Variants in BCL11A observed in about 807,000 individuals in gnomAD.
BCL11A encodes BCL11 transcription factor A.
Under a neutral mutation model 55.9 loss-of-function variants are expected in BCL11A, and 2 were observed. The ratio of observed to expected loss-of-function variants is 0.04; its 90% CI spans 0.01 to 0.11. The LOEUF is 0.11. Ranked by LOEUF, BCL11A falls within the 10% of genes least tolerant of loss-of-function variation. The pLI is 1.00. For missense variants in BCL11A, 817 were observed against 1,137.1 expected (o/e 0.72, Z 4.05); for synonymous variants, 465 against 473.4 (o/e 0.98, Z 0.23).
At chr2:60,514,495 TAAAAAAAAAAAAA>T (rs58972358) in intron 2 of BCL11A, among the ~76,000 whole-genome samples, 3 of 119,346 alleles carry the variant, frequency 2.5e-5, no homozygotes, top group African/African-American at 9.7e-5. Context: ...CATCTCTACT[TAAAAAAAAAAAAA>T]AAAAAAAAAA....
At chr2:60,467,744 G>A (rs1449283889) in intron 3 of BCL11A, among the ~76,000 whole-genome samples, 1 of 80,062 alleles carries the variant, frequency 1.2e-5, no homozygotes, top group African/African-American at 4.8e-5. Flanking sequence ...GGTGGTGGTA[G>A]TGATGGTGGT....
In BCL11A at chr2:60,459,272, G is replaced by A. The variant is rs1209023719; in HGVS notation, c.*1132C>T. On this transcript the variant is annotated 3_prime_UTR_variant, in exon 4 of 4. Transcript: ENST00000642384. ...TCTGGATCTATTTCTTTTGGTGCCA[G>A]TATTTTTAAAAAGACATTATTAAAG... is the stretch of plus-strand genomic sequence containing the variant. 3 of 1,017,232 alleles carry A rather than the reference G, an allele frequency of 2.9e-6. No homozygotes were observed. The highest frequency in any genetic ancestry group is 4.7e-4 in the Middle Eastern group (1 of 2,108). The allele number at this position is 1,017,232 out of a possible 1,614,324, so 63.0% of individuals were successfully genotyped here.
In BCL11A at chr2:60,461,229, G is replaced by A. The variant is rs200102362; in HGVS notation, c.1683C>T (p.Ala561=). ...GCTTCTCGCCCAGGACCTGGTGGAA[G>A]GCCTCGCTGAAGTGCTGCATGGAGC... ...VLSSMQHFSE[A]FHQVLGEKHK... is the part of the protein sequence containing the mutation. Residue 561 remains alanine, a synonymous_variant, in exon 4 of 4, where the codon GCC becomes GCT. Coordinates refer to ENST00000642384, the MANE Select transcript of BCL11A (RefSeq NM_022893.4). 5 of 1,610,966 alleles carry A rather than the reference G, an allele frequency of 3.1e-6. No individual in the cohort carries two copies. The highest frequency in any genetic ancestry group is 4.2e-6 in the Non-Finnish European group (5 of 1,179,798).
intron 2 of BCL11A, among the ~76,000 whole-genome samples, chr2:60,469,898 G>A (rs937305713): frequency 6.6e-5 from 10 of 152,160 alleles, no homozygotes; most frequent in African/African-American, 2.4e-4. Flanking sequence ...ATTGGGGAGG[G>A]CGGGAGACAA....
Position 60,546,016 on chromosome 2 carries a change from A to G in BCL11A, c.340T>C (p.Ser114Pro). The part of the protein sequence containing the change: ...QVTPEDDDCL[S>P]TSSRGICPKQ... ...GGGCAAATTCCTCTAGATGACGTTG[A>G]TAAACAATCGTCATCCTCTGGCGTG... The change falls in exon 2 of 4, where the codon TCA becomes CCA. Residue 114 changes from serine (S) to proline (P), a missense_variant. This residue lies in a region of BCL11A where 363 missense variants were observed against 486.6 expected (regional missense o/e 0.75). Transcript: ENST00000642384. The surrounding 1 kb of genome is among the most constrained non-coding windows in gnomAD (Gnocchi z 4.1). 6.2e-7 allele frequency: 1 copy of G among 1,614,232 alleles called. No individual in the cohort carries two copies. Among genetic ancestry groups the G allele is most frequent in the Non-Finnish European group, 8.5e-7 (1 of 1,180,042 alleles).
At chr2:60,453,891 C>T (rs1300608220), downstream of BCL11A, among the ~76,000 whole-genome samples, 1 of 152,102 alleles carries the variant, frequency 6.6e-6, no homozygotes, top group Non-Finnish European at 1.5e-5. Context: ...AAAGGAAAAA[C>T]GTATTTGGAT....
At chr2:60,532,249 A>ACAG (rs1388968864) in intron 2 of BCL11A, among the ~76,000 whole-genome samples, 1 of 151,850 alleles carries the variant, frequency 6.6e-6, no homozygotes, top group Non-Finnish European at 1.5e-5. Flanking sequence ...AGGCACAAAG[A>ACAG]CAGTCTATCT....
chr2:60,464,558 G>A (rs1676494710), intron 3 of BCL11A, among the ~76,000 whole-genome samples: 1 of 152,180 alleles, frequency 6.6e-6, no homozygotes, highest in South Asian at 2.1e-4. Context: ...TCCTTAACAC[G>A]TTCATCACTC....
intron 3 of BCL11A, 57 bp from the exon 4 acceptor site, chr2:60,462,481 A>G: frequency 6.5e-7 from 1 of 1,549,654 alleles, no homozygotes; most frequent in Middle Eastern, 1.7e-4. Flanking sequence ...GGCATCAGCA[A>G]TTGCTTATTT....
At chr2:60,521,142 G>C (rs1668973847) in intron 2 of BCL11A, among the ~76,000 whole-genome samples, 1 of 150,970 alleles carries the variant, frequency 6.6e-6, no homozygotes, top group Non-Finnish European at 1.5e-5. Context: ...AATCCTTGAG[G>C]GTGCCAGGTT....
chr2:60,545,277 C>T (rs1169315172), intron 2 of BCL11A: 2 of 152,284 alleles, frequency 1.3e-5, no homozygotes, highest in African/African-American at 2.4e-5. Flanking sequence ...TTAAACTTTT[C>T]GAGTAAGCAT....
chr2:60,484,411 T>A (rs1572990612), intron 2 of BCL11A: 2 of 152,312 alleles, frequency 1.3e-5, no homozygotes, highest in Non-Finnish European at 2.9e-5. Context: ...ATCTTCTTTC[T>A]CATCTTCTCT....
downstream of BCL11A, chr2:60,457,045 C>T (rs1675972914): frequency 6.3e-6 from 1 of 159,988 alleles, no homozygotes; most frequent in Non-Finnish European, 1.3e-5. Context: ...ATAGTAAGTA[C>T]TTTATGTTCC....
At chr2:60,509,773 C>T (rs905124155) in intron 2 of BCL11A, among the ~76,000 whole-genome samples, 9 of 152,106 alleles carry the variant, frequency 5.9e-5, no homozygotes, top group Non-Finnish European at 1.3e-4. Flanking sequence ...CAGCCACAAT[C>T]GGGGGGCTAC....
chr2:60,537,174 C>G (rs1669704480), intron 2 of BCL11A: 1 of 97,180 alleles, frequency 1.0e-5, no homozygotes, highest in Non-Finnish European at 2.5e-5. Flanking sequence ...ATTTTTTTCT[C>G]CTTAACATAA....
intron 2 of BCL11A, chr2:60,524,914 T>C (rs1400147296): frequency 6.6e-6 from 1 of 152,218 alleles, no homozygotes; most frequent in African/African-American, 2.4e-5. Context: ...GTTTAAAAAA[T>C]GGATTGCAAA....
Position 60,545,978 on chromosome 2 carries a change from G to A in BCL11A, c.378C>T (p.His126=), listed in dbSNP as rs764488179. The change falls in exon 2 of 4, where the codon CAC becomes CAT. Residue 126 remains histidine (H), a synonymous_variant. Coordinates refer to ENST00000642384, the MANE Select transcript of BCL11A (RefSeq NM_022893.4). ...TCCTTGCTTCTCATTTACCTGCTAT[G>A]TGTTCCTGTTTGGGGCAAATTCCTC... ...SSRGICPKQE[H]IADKLLHWRG... 2.5e-6 allele frequency: 4 copies of A among 1,613,028 alleles called. No individual in the cohort carries two copies. The highest frequency in any genetic ancestry group is 3.4e-6 in the Non-Finnish European group (4 of 1,179,242).
intron 1 of BCL11A, among the ~76,000 whole-genome samples, chr2:60,551,305 C>T (rs956835436): frequency 2.6e-5 from 4 of 152,254 alleles, no homozygotes; most frequent in African/African-American, 9.6e-5. Context: ...CTCACAAGAA[C>T]CTCAGACCAA....
intron 2 of BCL11A, chr2:60,543,576 T>C (rs189036872): frequency 4.6e-5 from 7 of 152,320 alleles, no homozygotes; most frequent in African/African-American, 1.4e-4. Context: ...TGTGCAATGG[T>C]AGAATGTTAA....
Sources: gnomAD v4.1 joint callset for allele counts (sites outside exome capture counted in the v4.1 genomes callset) on GRCh38, gnomAD v4.1.1 for gene constraint, gnomAD v4.1.1 regional missense constraint, Gnocchi (gnomAD v3.1) non-coding constraint, MANE v1.5 for transcripts, NCBI Gene and HGNC (gene_info 2026-07-23, HGNC 2026-07-21) for gene names.